Variants in DGKB observed in about 807,000 individuals in gnomAD.
DGKB encodes diacylglycerol kinase beta, also known as 90 kDa diacylglycerol kinase.
In DGKB, 67 loss-of-function variants were observed where a neutral mutation model predicts 114.3. The observed-to-expected ratio is 0.59, with a 90% CI of 0.48 to 0.72. The LOEUF (loss-of-function observed/expected upper bound fraction) is 0.72, where lower values mean the gene tolerates loss of function less well. DGKB is among the 30% of genes least tolerant of loss of function. DGKB has a pLI of 0.00. For missense variants in DGKB, 907 were observed against 975.2 expected (o/e 0.93, Z 0.93); for synonymous variants, 398 against 323.1 (o/e 1.23, Z -2.49).
At chr7:14,208,170 G>A (rs1032703223) in intron 23 of DGKB, among the ~76,000 whole-genome samples, 5 of 152,022 alleles carry the variant, frequency 3.3e-5, no homozygotes, top group African/African-American at 1.2e-4. Context: ...TATCCAGTGA[G>A]AGAGTATATT....
At chr7:14,246,139 A>G (rs889571276) in intron 23 of DGKB, among the ~76,000 whole-genome samples, 1 of 152,152 alleles carries the variant, frequency 6.6e-6, no homozygotes, top group African/African-American at 2.4e-5. Flanking sequence ...TGAAAGCTTC[A>G]TTTAGCCTAG....
intron 23 of DGKB, among the ~76,000 whole-genome samples, chr7:14,334,400 G>A (rs922146870): frequency 2.0e-4 from 5 of 24,786 alleles, no homozygotes; most frequent in East Asian, 3.5e-3. Context: ...GTGTGTGCGC[G>A]CGCGTGTATG....
At chr7:14,209,723 A>G (rs571174842) in intron 23 of DGKB, among the ~76,000 whole-genome samples, 29 of 152,260 alleles carry the variant, frequency 1.9e-4, no homozygotes, top group African/African-American at 6.7e-4. Context: ...AACTTCAGAC[A>G]TAAGTTAATA....
chr7:14,506,299 C>A (rs934132069), intron 20 of DGKB, among the ~76,000 whole-genome samples: 3 of 152,010 alleles, frequency 2.0e-5, no homozygotes, highest in Non-Finnish European at 2.9e-5. Flanking sequence ...CAAGTCCAGA[C>A]CTTCATATGA....
At chr7:14,479,402 G>A (rs114737140) in intron 20 of DGKB, among the ~76,000 whole-genome samples, 89 of 152,146 alleles carry the variant, frequency 5.8e-4, no homozygotes, top group African/African-American at 1.8e-3. Context: ...TTTTTTTTCT[G>A]TATAAACATT....
At chr7:14,392,954 A>G (rs1821548469) in intron 21 of DGKB, among the ~76,000 whole-genome samples, 1 of 150,346 alleles carries the variant, frequency 6.7e-6, no homozygotes, top group Non-Finnish European at 1.5e-5. Context: ...GGCTCAGCCA[A>G]TTATAACCTG....
intron 14 of DGKB, among the ~76,000 whole-genome samples, chr7:14,626,613 C>T (rs1012855510): frequency 6.6e-6 from 1 of 152,152 alleles, no homozygotes; most frequent in African/African-American, 2.4e-5. Context: ...AAAGCTGCAC[C>T]TTTAATCAAT....
At chr7:14,934,838 G>A (rs571446464) in intron 1 of DGKB, among the ~76,000 whole-genome samples, 1 of 152,230 alleles carries the variant, frequency 6.6e-6, no homozygotes, top group Non-Finnish European at 1.5e-5. Context: ...TCTGTCCTTT[G>A]ACATCTGTCC....
intron 25 of DGKB, among the ~76,000 whole-genome samples, chr7:14,171,653 T>G (rs1053916541): frequency 1.3e-5 from 2 of 152,198 alleles, no homozygotes; most frequent in African/African-American, 4.8e-5. Context: ...TTTGAGAATA[T>G]AATGAATAAA....
rs74486449 is a variant in DGKB at position 14,226,591 on chromosome 7, A to G, written c.2123-48440T>C. 4.8e-3 allele frequency among the ~76,000 whole-genome samples: 727 copies of G among 152,156 alleles called. 14 individuals are homozygous for G. In the East Asian group the frequency reaches 0.07, roughly 15 times the overall value. On this transcript the variant is annotated intron_variant, in intron 23 of 25. Coordinates refer to ENST00000402815, the MANE Select transcript of DGKB (RefSeq NM_001350709.2). The stretch of plus-strand genomic sequence containing the variant: ...ATCATGACTATTTTCCTTGAGGATT[A>G]TAAATTAAGATTCCCTAGAGGAAAT...
rs73272109 is a variant in DGKB at position 14,669,436 on chromosome 7, T to C, written c.1134+3493A>G. Among the ~76,000 whole-genome samples, 1,311 of 152,270 alleles carry C rather than the reference T, an allele frequency of 8.6e-3. 12 individuals carry two copies. Among genetic ancestry groups the C allele is most frequent in the African/African-American group, 0.03 (1,237 of 41,552 alleles). ...CAAGTGTCTACTGCCTCAGAATCTG[T>C]TGGTGAAGTTCTGTCCCCAGATAGC... On this transcript the variant is annotated intron_variant, in intron 13 of 25. Coordinates refer to ENST00000402815, the MANE Select transcript of DGKB (RefSeq NM_001350709.2).
chr7:14,380,957 A>G (rs1454378659), intron 21 of DGKB, among the ~76,000 whole-genome samples: 4 of 152,250 alleles, frequency 2.6e-5, no homozygotes, highest in African/African-American at 9.6e-5. Context: ...TAGGAAGATT[A>G]AATCCAAGGA....
intron 16 of DGKB, among the ~76,000 whole-genome samples, chr7:14,609,662 A>C (rs1805155071): frequency 6.6e-6 from 1 of 152,010 alleles, no homozygotes; most frequent in Admixed American, 6.6e-5. Context: ...ATAAGAACTT[A>C]AATCAATGGG....
At chr7:14,470,933 T>C (rs1009698170) in intron 21 of DGKB, among the ~76,000 whole-genome samples, 9 of 151,438 alleles carry the variant, frequency 5.9e-5, no homozygotes, top group African/African-American at 1.9e-4. Context: ...CTTTATATGG[T>C]AAGTAAAAAT....
At chr7:14,556,549 CT>C (rs1795903553) in intron 20 of DGKB, among the ~76,000 whole-genome samples, 1 of 151,970 alleles carries the variant, frequency 6.6e-6, no homozygotes, top group South Asian at 2.1e-4. Flanking sequence ...CCCTATGCCC[CT>C]ATACGTGTAT....
chr7:14,684,267 C>T (rs1439980146), intron 10 of DGKB, among the ~76,000 whole-genome samples: 12 of 151,930 alleles, frequency 7.9e-5, no homozygotes, highest in South Asian at 2.1e-4. Context: ...TGCTAGCTAA[C>T]GACAAACAAA....
At chr7:14,682,158 C>T (rs551890524) in intron 12 of DGKB, among the ~76,000 whole-genome samples, 8 of 152,110 alleles carry the variant, frequency 5.3e-5, no homozygotes, top group Middle Eastern at 3.4e-3. Flanking sequence ...AATAAGTTTA[C>T]AATAAGCAAA....
At chr7:14,698,325 A>C (rs931263069) in intron 7 of DGKB, among the ~76,000 whole-genome samples, 156 bp from the exon 8 acceptor site, 1 of 152,164 alleles carries the variant, frequency 6.6e-6, no homozygotes, top group African/African-American at 2.4e-5. Context: ...TAAAGGTCTA[A>C]TTAACTATAT....
chr7:14,366,135 T>C (rs755886183), intron 21 of DGKB, among the ~76,000 whole-genome samples: 2 of 152,158 alleles, frequency 1.3e-5, no homozygotes, highest in South Asian at 2.1e-4. Context: ...TAACAGACTT[T>C]AGATGTAGAC....
Sources: gnomAD v4.1 joint callset for allele counts (sites outside exome capture counted in the v4.1 genomes callset) on GRCh38, gnomAD v4.1.1 for gene constraint, MANE v1.5 for transcripts, NCBI Gene and HGNC (gene_info 2026-07-23, HGNC 2026-07-21) for gene names.